The following USP9X variants were observed in gnomAD, a reference collection of about 807,000 sequenced individuals.
USP9X encodes ubiquitin carboxyl-terminal hydrolase 9X.
Under a neutral mutation model 190.3 loss-of-function variants are expected in USP9X, and 7 were observed. That is an observed-to-expected ratio of 0.04 (90% CI 0.02 to 0.07). USP9X has a LOEUF of 0.07. USP9X is among the 10% of genes least tolerant of loss of function. USP9X has a pLI of 1.00. For synonymous variants in USP9X, 645 were observed against 659.5 expected (o/e 0.98, Z 0.34); for missense variants, 1,010 against 1,916.9 (o/e 0.53, Z 8.83).
chrX:41,193,631 T>C (rs957460819), intron 26 of USP9X, among the ~76,000 whole-genome samples: 2 of 111,873 alleles, frequency 1.8e-5, no homozygotes, highest in African/African-American at 6.5e-5. Context: ...GCCACTGCAC[T>C]CTAGCCTGGG....
intron 26 of USP9X, among the ~76,000 whole-genome samples, chrX:41,195,046 C>CTT (rs931341447): frequency 3.8e-5 from 4 of 104,727 alleles, no homozygotes; most frequent in African/African-American, 1.4e-4. Flanking sequence ...TTTTTTCTTT[C>CTT]TTTTTTTTGG....
chrX:41,134,188 T>C (rs1001733127), intron 4 of USP9X, among the ~76,000 whole-genome samples: 1 of 112,223 alleles, frequency 8.9e-6, no homozygotes, highest in African/African-American at 3.2e-5. Context: ...TCTGTACAAA[T>C]TGAATAGTTT....
rs142970199 is a variant in USP9X, at chrX:41,138,305, A to C, written c.654+1283A>C. 4.9e-3 allele frequency among the ~76,000 whole-genome samples: 546 copies of C among 111,626 alleles called. 4 individuals are homozygous for C. Among genetic ancestry groups the C allele is most frequent in the African/African-American group, 0.017 (525 of 30,798 alleles). ...TGCAGATGTCATGATATAATGAAAA[A>C]TCTAAGAGATATGTAATAGCCTCCA... On this transcript the variant is annotated intron_variant, in intron 6 of 44. Transcript: ENST00000378308.
chrX:41,166,315 G>T (rs902402406), intron 16 of USP9X, 101 bp downstream of exon 16: 2 of 632,152 alleles, frequency 3.2e-6, no homozygotes, highest in Non-Finnish European at 2.3e-6. Flanking sequence ...TTACTCTGAT[G>T]TTTGTCTCAG....
In USP9X at chrX:41,235,368, A is replaced by G. The variant is rs1000982250; in HGVS notation, c.*2844A>G. ...CACAAGTGGCACATTTTAAATTTCAAGTCTTCAAAGTGCCTAAGGATTATT... is the reference window on the plus strand; with the variant it reads ...CACAAGTGGCACATTTTAAATTTCAGGTCTTCAAAGTGCCTAAGGATTATT... On this transcript the variant is annotated 3_prime_UTR_variant, in exon 45 of 45. Transcript: ENST00000378308. 10 of 113,137 alleles carry G rather than the reference A, an allele frequency of 8.8e-5. No homozygotes were observed. In the South Asian group the frequency reaches 1.1e-3, roughly 12 times the overall value. 9.3% of individuals were successfully genotyped at this position (113,137 alleles called of 1,213,427 possible).
At chrX:41,124,591 A>C (rs2062220399) in intron 2 of USP9X, among the ~76,000 whole-genome samples, 1 of 112,129 alleles carries the variant, frequency 8.9e-6, no homozygotes, top group East Asian at 2.8e-4. Context: ...TGTCAATTCT[A>C]AGGGGGAAAG....
At chrX:41,201,026 G>A (rs751581143) in intron 30 of USP9X, 34 bp from the exon 31 acceptor site, 1 of 1,182,316 alleles carries the variant, frequency 8.5e-7, no homozygotes, top group Non-Finnish European at 1.1e-6. Context: ...CAGAATGGCC[G>A]TGTTCATGCT....
chrX:41,170,420 T>C, intron 19 of USP9X, 50 bp from the exon 20 acceptor site: 1 of 1,178,179 alleles, frequency 8.5e-7, no homozygotes, highest in Non-Finnish European at 1.1e-6. Flanking sequence ...TTGTGTTTTG[T>C]GTAAGTATTT....
At chrX:41,086,384 C>T (rs1199677036) in intron 1 of USP9X, among the ~76,000 whole-genome samples, 1 of 112,376 alleles carries the variant, frequency 8.9e-6, no homozygotes, top group Non-Finnish European at 1.9e-5. Flanking sequence ...CCCCTCCTCC[C>T]CCTTCCCGTC....
intron 6 of USP9X, among the ~76,000 whole-genome samples, chrX:41,139,272 T>C (rs1345918743): frequency 8.9e-6 from 1 of 112,314 alleles, no homozygotes; most frequent in Non-Finnish European, 1.9e-5. Context: ...TAGCCTTTCA[T>C]GACTAAAAAG....
chrX:41,139,099 T>C (rs1297295263), intron 6 of USP9X, among the ~76,000 whole-genome samples: 1 of 112,676 alleles, frequency 8.9e-6, no homozygotes, highest in Non-Finnish European at 1.9e-5. Context: ...ACCTGCTGTT[T>C]TATAAATATT....
At chrX:41,132,006 C>G (rs1208685710) in intron 4 of USP9X, among the ~76,000 whole-genome samples, 1 of 111,617 alleles carries the variant, frequency 9.0e-6, no homozygotes, top group African/African-American at 3.3e-5. Flanking sequence ...GACTGCTTTA[C>G]TGAAATGACA....
At chrX:41,208,037 G>GTT (rs1266855607) in intron 32 of USP9X, among the ~76,000 whole-genome samples, 18 of 100,097 alleles carry the variant, frequency 1.8e-4, no homozygotes, top group Middle Eastern at 5.2e-3. Context: ...CTTATACTGG[G>GTT]TTTTTTTTTT....
intron 1 of USP9X, among the ~76,000 whole-genome samples, chrX:41,108,229 G>A (rs989855052): frequency 2.7e-5 from 3 of 111,806 alleles, no homozygotes; most frequent in Non-Finnish European, 3.8e-5. Flanking sequence ...TGCCTGGGAT[G>A]ATGGTGATTT....
At chrX:41,186,261 T>A (rs1485231502) in intron 23 of USP9X, among the ~76,000 whole-genome samples, 1 of 111,446 alleles carries the variant, frequency 9.0e-6, no homozygotes, top group African/African-American at 3.3e-5. Flanking sequence ...CCCTGCAAGT[T>A]AAGCTGAGGC....
intron 28 of USP9X, 33 bp from the exon 29 acceptor site, chrX:41,197,331 T>TGCCCC: frequency 4.1e-6 from 2 of 486,760 alleles, no homozygotes; most frequent in Non-Finnish European, 5.9e-6. Flanking sequence ...TTTGATTTCT[T>TGCCCC]CCCCCCCCCA....
chrX:41,140,850 G>A, intron 7 of USP9X, 79 bp downstream of exon 7: 19 of 1,085,615 alleles, frequency 1.8e-5, no homozygotes, highest in East Asian at 3.2e-5. Flanking sequence ...AGTTTTTCAA[G>A]TGTGGTTTCT....
At chrX:41,087,198 C>T (rs1355392907) in intron 1 of USP9X, among the ~76,000 whole-genome samples, 2 of 112,432 alleles carry the variant, frequency 1.8e-5, no homozygotes, top group Non-Finnish European at 3.8e-5. Flanking sequence ...CTTTATTTTT[C>T]GGGGAGAGAA....
At position 41,229,656 on chromosome X, in the gene USP9X, G is replaced by A; in HGVS notation, c.7308G>A (p.Gln2436=). 1 of 1,211,651 alleles carries A rather than the reference G, an allele frequency of 8.3e-7. No individual in the cohort carries two copies. Among genetic ancestry groups the A allele is most frequent in the Non-Finnish European group, 1.1e-6 (1 of 895,533 alleles). ...LERRPYTGNP[Q]YTYNNWSPPV... is the part of the protein sequence containing the mutation. ...GAAGACCATATACTGGCAATCCTCA[G>A]TACACTTACAACAATTGGTCTCCCC... The change falls in exon 43 of 45, where the codon CAG becomes CAA. Residue 2436 remains glutamine, a synonymous_variant. Transcript: ENST00000378308.
Sources: gnomAD v4.1 joint callset for allele counts (sites outside exome capture counted in the v4.1 genomes callset) on GRCh38, gnomAD v4.1.1 for gene constraint, MANE v1.5 for transcripts, NCBI Gene and HGNC (gene_info 2026-07-23, HGNC 2026-07-21) for gene names.